Variants in SEL1L3 observed in about 807,000 individuals in gnomAD.
SEL1L3 encodes protein sel-1 homolog 3.
A neutral mutation model predicts 142.8 loss-of-function variants in SEL1L3; 76 were observed. The observed-to-expected ratio is 0.53, with a 90% CI of 0.44 to 0.64. The LOEUF is 0.64. SEL1L3 is among the 30% of genes least tolerant of loss of function. The pLI is 0.00. For synonymous variants in SEL1L3, 504 were observed against 519.6 expected (o/e 0.97, Z 0.41); for missense variants, 1,262 against 1,381.7 (o/e 0.91, Z 1.37).
chr4:25,779,058 C>T lies in SEL1L3; in HGVS notation c.2585+18G>A, dbSNP rs781521248. Reference sequence around the variant, plus strand: ...GATATGGCTTTCCCTTCAAATGCAACGTTTGACAGAGTCTTACACAACAGC... The same window carrying T: ...GATATGGCTTTCCCTTCAAATGCAATGTTTGACAGAGTCTTACACAACAGC... On this transcript the variant is annotated intron_variant, in intron 16 of 23. Transcript: ENST00000399878. The T allele has an allele frequency of 1.9e-5, 31 of 1,611,038 alleles. No individual in the cohort carries two copies. In the East Asian group the frequency reaches 5.1e-4, roughly 27 times the overall value.
chr4:25,812,995 G>A (rs1714134318), intron 9 of SEL1L3, among the ~76,000 whole-genome samples: 1 of 152,208 alleles, frequency 6.6e-6, no homozygotes, highest in African/African-American at 2.4e-5. Context: ...CTGGGCGACA[G>A]AGCCAGATTC....
intron 1 of SEL1L3, among the ~76,000 whole-genome samples, chr4:25,860,945 G>C (rs1717663290): frequency 6.6e-6 from 1 of 152,102 alleles, no homozygotes; most frequent in African/African-American, 2.4e-5. Context: ...AGGAATACTT[G>C]CTCCATCATT....
At chr4:25,805,014 C>T (rs572583068) in intron 9 of SEL1L3, among the ~76,000 whole-genome samples, 3 of 152,252 alleles carry the variant, frequency 2.0e-5, no homozygotes, top group Non-Finnish European at 4.4e-5. Flanking sequence ...GCTTAGAAAT[C>T]GCCTCAAGAG....
At chr4:25,781,455 T>C in intron 15 of SEL1L3, among the ~76,000 whole-genome samples, 1 of 152,144 alleles carries the variant, frequency 6.6e-6, no homozygotes, top group East Asian at 1.9e-4. Context: ...CTGGACAACA[T>C]GGCAAAACCT....
At chr4:25,781,412 C>T (rs916775616) in intron 15 of SEL1L3, among the ~76,000 whole-genome samples, 2 of 151,730 alleles carry the variant, frequency 1.3e-5, no homozygotes, top group Non-Finnish European at 2.9e-5. Context: ...TGGAGGTGGG[C>T]GGATCACTTG....
At chr4:25,792,256 T>C (rs1323488126) in intron 11 of SEL1L3, among the ~76,000 whole-genome samples, 1 of 152,222 alleles carries the variant, frequency 6.6e-6, no homozygotes, top group East Asian at 1.9e-4. Context: ...CAGGTATCAC[T>C]GTCCCCAGTT....
intron 17 of SEL1L3, among the ~76,000 whole-genome samples, chr4:25,770,922 T>C (rs1333554133): frequency 2.0e-5 from 3 of 152,198 alleles, no homozygotes; most frequent in Non-Finnish European, 4.4e-5. Context: ...TTCTTTAGCT[T>C]ATTAAAACTT....
chr4:25,856,616 A>C (rs994944846), intron 1 of SEL1L3, among the ~76,000 whole-genome samples: 1 of 151,776 alleles, frequency 6.6e-6, no homozygotes, highest in Admixed American at 6.6e-5. Context: ...AAAAAAAACA[A>C]AGAAATGGGC....
chr4:25,772,948 C>T (rs1349705158), intron 17 of SEL1L3, among the ~76,000 whole-genome samples: 4 of 152,132 alleles, frequency 2.6e-5, no homozygotes, highest in African/African-American at 9.7e-5. Context: ...CAGGTGCATA[C>T]CATCACACCC....
chr4:25,732,304 C>T, the SEL1L3 span, among the ~76,000 whole-genome samples: 1 of 152,072 alleles, frequency 6.6e-6, no homozygotes, highest in Non-Finnish European at 1.5e-5. Context: ...ATACATATAT[C>T]CCATGCAATA....
intron 15 of SEL1L3, among the ~76,000 whole-genome samples, chr4:25,780,945 C>T (rs1719958376): frequency 6.6e-6 from 1 of 151,488 alleles, no homozygotes; most frequent in African/African-American, 2.4e-5. Context: ...CCTGCCTCAG[C>T]CTCTCGAGTG....
At position 25,794,591 on chromosome 4, in the gene SEL1L3, T is replaced by C. The variant is rs114481322; in HGVS notation, c.1957-4017A>G. Among the ~76,000 whole-genome samples the C allele has an allele frequency of 3.6e-3, 542 of 152,294 alleles. 5 individuals carry two copies. The highest frequency in any genetic ancestry group is 0.012 in the African/African-American group (488 of 41,546). ...AGATGCTGGTGAGGCTGTGGAGAGA[T>C]AGGAATACTTTTACACTGTTGGTGG... On this transcript the variant is annotated intron_variant, in intron 11 of 23. Transcript: ENST00000399878.
chr4:25,802,993 G>A (rs915895889), intron 10 of SEL1L3, among the ~76,000 whole-genome samples: 3 of 152,222 alleles, frequency 2.0e-5, no homozygotes, highest in Non-Finnish European at 2.9e-5. Context: ...CCTCTTCCTG[G>A]TACAAACGGG....
At chr4:25,833,753 C>A (rs973447773) in intron 3 of SEL1L3, among the ~76,000 whole-genome samples, 184 bp from the exon 4 acceptor site, 1 of 152,198 alleles carries the variant, frequency 6.6e-6, no homozygotes, top group African/African-American at 2.4e-5. Context: ...GTTAAAGTAA[C>A]TGCAAAAGAC....
chr4:25,829,543 G>A (rs1015747799), intron 6 of SEL1L3, among the ~76,000 whole-genome samples: 2 of 152,142 alleles, frequency 1.3e-5, no homozygotes, highest in Non-Finnish European at 2.9e-5. Flanking sequence ...ACGATTATAC[G>A]TGGATGTAGA....
At chr4:25,778,131 A>G (rs1719760124) in intron 16 of SEL1L3, among the ~76,000 whole-genome samples, 1 of 152,166 alleles carries the variant, frequency 6.6e-6, no homozygotes, top group Non-Finnish European at 1.5e-5. Flanking sequence ...ACCATACCTC[A>G]GGAACCTACT....
chr4:25,721,725 G>A, the SEL1L3 span, among the ~76,000 whole-genome samples: 17 of 152,166 alleles, frequency 1.1e-4, no homozygotes, highest in South Asian at 2.1e-4. Flanking sequence ...GCTGCAAGGC[G>A]GCAGCTCCAG....
chr4:25,784,998 C>T lies in SEL1L3; in HGVS notation c.2218-708G>A, dbSNP rs575006496. Among the ~76,000 whole-genome samples, 109 of 152,254 alleles carry T rather than the reference C, an allele frequency of 7.2e-4. 1 individual carries two copies. Among genetic ancestry groups the T allele is most frequent in the African/African-American group, 2.5e-3 (103 of 41,534 alleles). On this transcript the variant is annotated intron_variant, in intron 13 of 23. Coordinates refer to ENST00000399878, the MANE Select transcript of SEL1L3 (RefSeq NM_015187.5). ...CTCAAGGGTAGAGTGGAAGGAGGTCCTTGAGTATCTCTTGACATAGATCTG... is the reference window on the plus strand; with the variant it reads ...CTCAAGGGTAGAGTGGAAGGAGGTCTTTGAGTATCTCTTGACATAGATCTG...
chr4:25,731,846 GTGGA>G, the SEL1L3 span, among the ~76,000 whole-genome samples: 1 of 152,178 alleles, frequency 6.6e-6, no homozygotes, highest in Non-Finnish European at 1.5e-5. Flanking sequence ...GCCGAGACAG[GTGGA>G]TCACCTCAGG....
Sources: gnomAD v4.1 joint callset for allele counts (sites outside exome capture counted in the v4.1 genomes callset) on GRCh38, gnomAD v4.1.1 for gene constraint, MANE v1.5 for transcripts, NCBI Gene and HGNC (gene_info 2026-07-23, HGNC 2026-07-21) for gene names.